RIN2: variants seen among roughly 807,000 people sequenced by gnomAD.
The protein encoded by RIN2 is RAB5 interacting protein 2.
RIN2 carries 36 observed loss-of-function variants against 78.0 expected under a neutral mutation model. That is an observed-to-expected ratio of 0.46 (90% confidence interval 0.35 to 0.61). RIN2 has a LOEUF of 0.61. RIN2 is among the 20% of genes least tolerant of loss of function. The probability of loss-of-function intolerance (pLI) is 0.00; values close to 1 mark genes in which losing one functional copy is unlikely to be tolerated. For synonymous variants in RIN2, 466 were observed against 466.8 expected (o/e 1.00, Z 0.02); for missense variants, 1,087 against 1,159.7 (o/e 0.94, Z 0.91).
intron 11 of RIN2, among the ~76,000 whole-genome samples, chr20:19,996,305 C>T (rs1042569969): frequency 2.0e-5 from 3 of 151,766 alleles, no homozygotes; most frequent in South Asian, 4.1e-4. Context: ...CAAAGCAAGA[C>T]GCCGTCTCAA....
rs145297181 is a variant in RIN2 at position 19,851,814 on chromosome 20, G to A, written c.-36-37752G>A. 3.0e-3 allele frequency among the ~76,000 whole-genome samples: 461 copies of A among 152,262 alleles called. 2 individuals carry two copies. Among genetic ancestry groups the A allele is most frequent in the Middle Eastern group, 6.8e-3 (2 of 294 alleles). On this transcript the variant is annotated intron_variant, in intron 2 of 12. Coordinates refer to ENST00000255006, the MANE Select transcript of RIN2 (RefSeq NM_018993.4). ...TGAGACCGGCTGAAAAGAGGTATTA[G>A]TTAGCTATAGTCCCAGTAGAACTAC... is the stretch of plus-strand genomic sequence containing the variant.
At chr20:19,878,385 T>G (rs1023763905) in intron 2 of RIN2, among the ~76,000 whole-genome samples, 5 of 152,098 alleles carry the variant, frequency 3.3e-5, no homozygotes, top group African/African-American at 1.2e-4. Context: ...GCACAGCACT[T>G]GGACATGAAG....
chr20:19,920,443 G>C (rs934061292), intron 3 of RIN2, among the ~76,000 whole-genome samples: 1 of 152,162 alleles, frequency 6.6e-6, no homozygotes, highest in African/African-American at 2.4e-5. Context: ...AGGTCATGGA[G>C]TAATCTAAGG....
At chr20:19,813,795 A>G (rs1317438401) in intron 2 of RIN2, among the ~76,000 whole-genome samples, 1 of 152,204 alleles carries the variant, frequency 6.6e-6, no homozygotes, top group Non-Finnish European at 1.5e-5. Flanking sequence ...TAATTGTGTC[A>G]CCTGTTGTAT....
Position 19,993,263 on chromosome 20 carries a change from G to T in RIN2, c.2200+964G>T, listed in dbSNP as rs564315301. On this transcript the variant is annotated intron_variant, in intron 11 of 12. Coordinates refer to ENST00000255006, the MANE Select transcript of RIN2 (RefSeq NM_018993.4). ...GCCCAGACAAGCCCTGGGGGGGATT[G>T]TCACGGTTTCGTTTTTTTTTTTCCC... 1.3e-5 allele frequency among the ~76,000 whole-genome samples: 2 copies of T among 149,640 alleles called. 1 individual carries two copies. The highest frequency in any genetic ancestry group is 4.2e-4 in the South Asian group (2 of 4,770).
chr20:19,817,433 C>T (rs1296196994), intron 2 of RIN2, among the ~76,000 whole-genome samples: 3 of 152,066 alleles, frequency 2.0e-5, no homozygotes, highest in Non-Finnish European at 4.4e-5. Flanking sequence ...GAGCTTCACT[C>T]AAGACCTAAT....
intron 1 of RIN2, among the ~76,000 whole-genome samples, chr20:19,775,395 C>A (rs1028061811): frequency 6.6e-6 from 1 of 152,116 alleles, no homozygotes; most frequent in Non-Finnish European, 1.5e-5. Flanking sequence ...CCATTGAAGT[C>A]GGTATTTTGG....
intron 3 of RIN2, among the ~76,000 whole-genome samples, chr20:19,896,547 C>T (rs1266086990): frequency 6.6e-6 from 1 of 152,238 alleles, no homozygotes; most frequent in Non-Finnish European, 1.5e-5. Context: ...ACATCACCTG[C>T]CCACTGTCCA....
chr20:19,869,969 A>C (rs1180364682), intron 2 of RIN2, among the ~76,000 whole-genome samples: 1 of 152,106 alleles, frequency 6.6e-6, no homozygotes, highest in Non-Finnish European at 1.5e-5. Context: ...AAATAATGTC[A>C]AACTTCCAGA....
Position 19,965,040 on chromosome 20 carries a change from C to G in RIN2, c.536+16C>G, listed in dbSNP as rs374006351. The G allele has an allele frequency of 1.3e-4, 207 of 1,603,654 alleles. No homozygotes were observed. The highest frequency in any genetic ancestry group is 1.7e-4 in the Non-Finnish European group (197 of 1,172,102). On this transcript the variant is annotated intron_variant, in intron 7 of 12. Coordinates refer to ENST00000255006, the MANE Select transcript of RIN2 (RefSeq NM_018993.4). ...GCATCAGCAGGTAAGGCCTCTTCCT[C>G]TCATATGGTTTCAAGGCCCTGTTTG...
In RIN2 at chr20:19,856,063, G is replaced by A. The variant is rs144587628; in HGVS notation, c.-36-33503G>A. 1.5e-3 allele frequency among the ~76,000 whole-genome samples: 222 copies of A among 152,216 alleles called. 2 individuals carry two copies. The highest frequency in any genetic ancestry group is 6.8e-3 in the Middle Eastern group (2 of 294). ...CGCTCCAGCCTGCGTGACACAGCAA[G>A]ACTCCTTCTAGAACAAAAAAAAAGA... On this transcript the variant is annotated intron_variant, in intron 2 of 12. Transcript: ENST00000255006.
At chr20:19,949,237 G>A (rs1314660734) in intron 4 of RIN2, among the ~76,000 whole-genome samples, 3 of 152,192 alleles carry the variant, frequency 2.0e-5, no homozygotes, top group Non-Finnish European at 4.4e-5. Flanking sequence ...AGCCAAGACT[G>A]CACCATTGCA....
At chr20:19,796,282 A>G (rs978568989) in intron 1 of RIN2, among the ~76,000 whole-genome samples, 3 of 152,156 alleles carry the variant, frequency 2.0e-5, no homozygotes, top group African/African-American at 7.2e-5. Context: ...CTCCTTTTGG[A>G]ATGTCTGAAA....
chr20:19,796,633 G>A (rs564896874), intron 1 of RIN2, among the ~76,000 whole-genome samples: 1 of 152,294 alleles, frequency 6.6e-6, no homozygotes, highest in Admixed American at 6.5e-5. Context: ...ATAGATTCCT[G>A]TTCTCGACCT....
At position 19,792,539 on chromosome 20, in the gene RIN2, C is replaced by G. The variant is rs532373672; in HGVS notation, c.-162-7083C>G. 1.1e-4 allele frequency among the ~76,000 whole-genome samples: 16 copies of G among 152,260 alleles called. No individual in the cohort carries two copies. In the South Asian group the frequency reaches 3.3e-3, roughly 32 times the overall value. The stretch of plus-strand genomic sequence containing the variant: ...TCTGGAAAGTGAGGGAAGCAAAGCT[C>G]ACAGGAGCAAGGGGTGCCTGCCATT... On this transcript the variant is annotated intron_variant, in intron 1 of 12. Coordinates refer to ENST00000255006, the MANE Select transcript of RIN2 (RefSeq NM_018993.4).
chr20:19,894,698 T>A (rs2038638130), intron 3 of RIN2, among the ~76,000 whole-genome samples: 1 of 152,238 alleles, frequency 6.6e-6, no homozygotes, highest in African/African-American at 2.4e-5. Flanking sequence ...AAAGCAGAGA[T>A]AATTGGAAGG....
At chr20:19,802,628 TCAGC>T (rs2035280512) in intron 2 of RIN2, among the ~76,000 whole-genome samples, 1 of 152,146 alleles carries the variant, frequency 6.6e-6, no homozygotes, top group Non-Finnish European at 1.5e-5. Context: ...AAGCAGTCAG[TCAGC>T]CACCTTTGGG....
chr20:19,990,509 G>A (rs1267370978), intron 10 of RIN2, among the ~76,000 whole-genome samples, 198 bp downstream of exon 10: 3 of 152,116 alleles, frequency 2.0e-5, no homozygotes, highest in Admixed American at 6.6e-5. Context: ...GTAAGCAGAT[G>A]AGGGCAACAA....
chr20:19,935,562 T>C, intron 4 of RIN2: 2 of 1,018,696 alleles, frequency 2.0e-6, no homozygotes, highest in South Asian at 9.1e-5. Flanking sequence ...TCCAGAAGGC[T>C]TACAGGGGAG....
Sources: allele counts gnomAD v4.1 joint callset (sites outside exome capture counted in the v4.1 genomes callset), GRCh38; gene constraint gnomAD v4.1.1; transcripts MANE v1.5; gene names NCBI Gene and HGNC (gene_info 2026-07-23, HGNC 2026-07-21).